STXBP6: variants seen among roughly 807,000 people sequenced by gnomAD.
The protein encoded by STXBP6 is syntaxin-binding protein 6.
A neutral mutation model predicts 26.9 loss-of-function variants in STXBP6; 21 were observed. The observed-to-expected ratio is 0.78, with a 90% CI of 0.55 to 1.12. The LOEUF is 1.12. STXBP6 is among the 50% of genes most tolerant of loss of function. The pLI is 0.00. For missense variants in STXBP6, 232 were observed against 257.9 expected (o/e 0.90, Z 0.69); for synonymous variants, 97 against 92.6 (o/e 1.05, Z -0.27).
Position 24,974,847 on chromosome 14 carries a change from GA to G in STXBP6, c.-30del. On this transcript the variant is annotated splice_region_variant and 5_prime_UTR_variant, in exon 2 of 6. Coordinates refer to ENST00000323944, the MANE Select transcript of STXBP6 (RefSeq NM_001394410.1). ...AGAACAAGTGAGGACAGCACGCAGT[GA>G]ATCTTTTAAAGAAGGAAAAGAAAGG... is the stretch of plus-strand genomic sequence containing the variant. The G allele has an allele frequency of 6.5e-7, 1 of 1,531,892 alleles. No individual in the cohort carries two copies. The highest frequency in any genetic ancestry group is 8.8e-7 in the Non-Finnish European group (1 of 1,131,934). 94.9% of individuals were successfully genotyped at this position (1,531,892 alleles called of 1,614,324 possible).
intron 2 of STXBP6, among the ~76,000 whole-genome samples, chr14:24,951,390 C>CTCCAGCACATATTGTT (rs71293203): frequency 6.6e-5 from 10 of 151,698 alleles, no homozygotes; most frequent in Non-Finnish European, 1.5e-4. Flanking sequence ...TCCACATCCT[C>CTCCAGCACATATTGTT]TCCGGACTTT....
At chr14:24,958,669 T>C (rs1448356191) in intron 2 of STXBP6, among the ~76,000 whole-genome samples, 1 of 152,192 alleles carries the variant, frequency 6.6e-6, no homozygotes, top group Non-Finnish European at 1.5e-5. Flanking sequence ...TAATCCTAAG[T>C]GCCCTTGGTT....
intron 1 of STXBP6, among the ~76,000 whole-genome samples, chr14:24,991,612 A>T (rs1344059158): frequency 1.5e-4 from 23 of 152,374 alleles, no homozygotes; most frequent in African/African-American, 5.0e-4. Flanking sequence ...GTCAAAAGAC[A>T]TATTAATGCA....
At chr14:24,838,616 G>A (rs913626921) in intron 4 of STXBP6, among the ~76,000 whole-genome samples, 2 of 152,036 alleles carry the variant, frequency 1.3e-5, no homozygotes, top group African/African-American at 4.8e-5. Flanking sequence ...CTCGGGAGAT[G>A]GAGGTTGCAG....
chr14:24,825,347 G>T (rs1309760877), intron 4 of STXBP6, among the ~76,000 whole-genome samples: 1 of 152,142 alleles, frequency 6.6e-6, no homozygotes, highest in African/African-American at 2.4e-5. Context: ...TTGCTTTATA[G>T]AGGCTACGGA....
intron 4 of STXBP6, among the ~76,000 whole-genome samples, chr14:24,834,712 G>A (rs1367028084): frequency 2.6e-5 from 4 of 152,136 alleles, no homozygotes; most frequent in Non-Finnish European, 5.9e-5. Flanking sequence ...GATGAGGATG[G>A]CCCGAACTAC....
chr14:24,816,806 A>G (rs911795399), intron 5 of STXBP6: 1 of 152,018 alleles, frequency 6.6e-6, no homozygotes, highest in African/African-American at 2.4e-5. Flanking sequence ...GAGGCACAAA[A>G]TCTTCTCCTC....
chr14:25,007,012 A>G (rs1016017045), intron 1 of STXBP6, among the ~76,000 whole-genome samples: 1 of 152,358 alleles, frequency 6.6e-6, no homozygotes, highest in Admixed American at 6.5e-5. Flanking sequence ...ACTCAAAATT[A>G]TGCCTCGGCA....
chr14:24,998,258 ATTGTCT>A (rs1349029852), intron 1 of STXBP6, among the ~76,000 whole-genome samples: 11 of 152,112 alleles, frequency 7.2e-5, no homozygotes, highest in Non-Finnish European at 1.3e-4. Flanking sequence ...TATTATGTTG[ATTGTCT>A]TTGTATATGG....
At chr14:24,895,989 G>C (rs980570243) in intron 2 of STXBP6, among the ~76,000 whole-genome samples, 1 of 152,216 alleles carries the variant, frequency 6.6e-6, no homozygotes, top group African/African-American at 2.4e-5. Context: ...ATCATTATTA[G>C]ACACCAAAAA....
At chr14:24,850,492 T>TTGG (rs2069114178) in intron 4 of STXBP6, among the ~76,000 whole-genome samples, 9 of 152,124 alleles carry the variant, frequency 5.9e-5, no homozygotes, top group Non-Finnish European at 1.2e-4. Context: ...GAAAAAACAA[T>TTGG]CTGCCACATT....
intron 2 of STXBP6, among the ~76,000 whole-genome samples, chr14:24,869,786 A>G (rs2069862535): frequency 6.6e-6 from 1 of 152,154 alleles, no homozygotes; most frequent in Non-Finnish European, 1.5e-5. Flanking sequence ...TATTCTGATA[A>G]AGCCAATCTG....
At position 24,865,101 on chromosome 14, in the gene STXBP6, T is replaced by C. The variant is rs931710906; in HGVS notation, c.155-7944A>G. Among the ~76,000 whole-genome samples the C allele has an allele frequency of 5.3e-5, 8 of 152,238 alleles. 2 individuals are homozygous for C. The highest frequency in any genetic ancestry group is 3.9e-4 in the Admixed American group (6 of 15,280). ...ATTTTTTAAAACTCTAGGCAAGATC[T>C]ACTAAAGCTGAACATGTACATATTT... On this transcript the variant is annotated intron_variant, in intron 2 of 5. Coordinates refer to ENST00000323944, the MANE Select transcript of STXBP6 (RefSeq NM_001394410.1).
Position 24,842,827 on chromosome 14 carries a change from G to C in STXBP6, c.451+13109C>G, listed in dbSNP as rs887126711. The stretch of plus-strand genomic sequence containing the variant: ...GAGAAGAAGTAACAATTTAGTGGCT[G>C]TATCTGTTATCTGCATTACAGCTTA... On this transcript the variant is annotated intron_variant, in intron 4 of 5. Transcript: ENST00000323944. Among the ~76,000 whole-genome samples, 8 of 152,242 alleles carry C rather than the reference G, an allele frequency of 5.3e-5. 2 individuals are homozygous for C. Among genetic ancestry groups the C allele is most frequent in the Admixed American group, 3.9e-4 (6 of 15,288 alleles).
rs1174568124 is a variant in STXBP6 at position 24,825,723 on chromosome 14, A to G, written c.452-6529T>C. ...CTCCCTCCCTGTCATATAGACAACT[A>G]TGAGTTCATACTCTCCTCTCAATTC... On this transcript the variant is annotated intron_variant, in intron 4 of 5. Coordinates refer to ENST00000323944, the MANE Select transcript of STXBP6 (RefSeq NM_001394410.1). Among the ~76,000 whole-genome samples, 2 of 152,194 alleles carry G rather than the reference A, an allele frequency of 1.3e-5. 1 individual carries two copies.
At chr14:25,024,322 A>T (rs941520037) in intron 1 of STXBP6, among the ~76,000 whole-genome samples, 15 of 151,990 alleles carry the variant, frequency 9.9e-5, no homozygotes, top group East Asian at 1.9e-4. Context: ...AAAAAAAAAA[A>T]TTTTGTTTTC....
At chr14:24,842,408 AT>A (rs1260701169) in intron 4 of STXBP6, among the ~76,000 whole-genome samples, 2 of 152,174 alleles carry the variant, frequency 1.3e-5, no homozygotes, top group Non-Finnish European at 2.9e-5. Flanking sequence ...TTTAATCCTA[AT>A]AATTGCTTTG....
intron 2 of STXBP6, among the ~76,000 whole-genome samples, chr14:24,913,914 G>T (rs565098584): frequency 1.2e-3 from 176 of 152,290 alleles, no homozygotes; most frequent in African/African-American, 4.1e-3. Context: ...CATTACAGCT[G>T]ATAGGCAGTT....
intron 1 of STXBP6, among the ~76,000 whole-genome samples, chr14:25,002,500 TAGGCACGTGCCACCAC>T (rs2074787426): frequency 6.6e-6 from 1 of 151,718 alleles, no homozygotes. Context: ...GCTGGGACTA[TAGGCACGTGCCACCAC>T]AGCCAGCTAA....
Sources: allele counts gnomAD v4.1 joint callset (sites outside exome capture counted in the v4.1 genomes callset), GRCh38; gene constraint gnomAD v4.1.1; transcripts MANE v1.5; gene names NCBI Gene and HGNC (gene_info 2026-07-23, HGNC 2026-07-21).